Variants in PLS1 observed in about 807,000 individuals in gnomAD.
The protein encoded by PLS1 is plastin-1.
In PLS1, 32 loss-of-function variants were observed where a neutral mutation model predicts 73.7. That is an observed-to-expected ratio of 0.43 (90% CI 0.33 to 0.58). The LOEUF (loss-of-function observed/expected upper bound fraction) is 0.58. Ranked by LOEUF, PLS1 falls within the 20% of genes least tolerant of loss-of-function variation. The pLI is 0.04. For missense variants in PLS1, 633 were observed against 740.5 expected, an observed-to-expected ratio of 0.85 and a Z score of 1.68; for synonymous variants, 217 against 261.3, an observed-to-expected ratio of 0.83 and a Z score of 1.63.
chr3:142,712,069 T>C lies in PLS1; in HGVS notation c.*62T>C. On this transcript the variant is annotated 3_prime_UTR_variant, in exon 16 of 16. Transcript: ENST00000457734. ...GTATGCCTCACAGTTTACAGGATTCTGAAATGTAGTGGGTGTAAAACCAGA... is the reference window on the plus strand; with the variant it reads ...GTATGCCTCACAGTTTACAGGATTCCGAAATGTAGTGGGTGTAAAACCAGA... 7.0e-7 allele frequency: 1 copy of C among 1,423,230 alleles called. No homozygotes were observed. The highest frequency in any genetic ancestry group is 9.9e-7 in the Non-Finnish European group (1 of 1,010,994). The allele number at this position is 1,423,230 out of a possible 1,614,324, so 88.2% of individuals were successfully genotyped here. A position where few individuals can be genotyped will look rare whatever the true frequency, so the allele number is the denominator to read the frequency against.
intron 14 of PLS1, among the ~76,000 whole-genome samples, chr3:142,707,633 G>A (rs1322525805): frequency 6.6e-6 from 1 of 152,182 alleles, no homozygotes; most frequent in Non-Finnish European, 1.5e-5. Flanking sequence ...ACTTTTGGCT[G>A]AGCTACTGAT....
intron 1 of PLS1, among the ~76,000 whole-genome samples, chr3:142,650,211 CTTT>C (rs1171297517): frequency 5.6e-5 from 4 of 70,872 alleles, no homozygotes; most frequent in South Asian, 6.0e-4. Context: ...GCTTCTTCTT[CTTT>C]TTTTTTTTTT....
At chr3:142,700,549 C>G (rs1477479442) in intron 12 of PLS1, among the ~76,000 whole-genome samples, 1 of 152,130 alleles carries the variant, frequency 6.6e-6, no homozygotes, top group Non-Finnish European at 1.5e-5. Context: ...GGTCTTGTCT[C>G]CTGACCTCGT....
At chr3:142,627,639 T>C (rs2036457473) in intron 1 of PLS1, among the ~76,000 whole-genome samples, 1 of 152,132 alleles carries the variant, frequency 6.6e-6, no homozygotes, top group Non-Finnish European at 1.5e-5. Context: ...TTATTGTTTG[T>C]TTTGCTTTTG....
intron 14 of PLS1, among the ~76,000 whole-genome samples, chr3:142,707,314 A>G (rs1483960839): frequency 1.3e-5 from 2 of 151,556 alleles, no homozygotes; most frequent in East Asian, 3.9e-4. Flanking sequence ...AGGTAGCACT[A>G]TAGGAATTTC....
intron 4 of PLS1, among the ~76,000 whole-genome samples, chr3:142,671,933 C>T (rs377155384): frequency 6.6e-6 from 1 of 151,958 alleles, no homozygotes; most frequent in East Asian, 1.9e-4. Flanking sequence ...TATGTTTTTC[C>T]TAACTTTTTC....
chr3:142,685,781 T>C (rs546067774), intron 8 of PLS1, among the ~76,000 whole-genome samples: 1 of 152,346 alleles, frequency 6.6e-6, no homozygotes, highest in African/African-American at 2.4e-5. Context: ...GGACAGGAAA[T>C]AGCTTCTGCC....
Position 142,704,017 on chromosome 3 carries a change from T to C in PLS1, c.1505+16T>C, listed in dbSNP as rs375247793. The C allele has an allele frequency of 9.9e-6, 16 of 1,611,026 alleles. No homozygotes were observed. Among genetic ancestry groups the C allele is most frequent in the East Asian group, 4.5e-5 (2 of 44,830 alleles). ...TGATGAGAAGGTAAAGGCTGATATG[T>C]TGGTAGCAACACTGCCTGTTTCCTC... On this transcript the variant is annotated intron_variant, in intron 13 of 15. Transcript: ENST00000457734.
rs1002315177 is a variant in PLS1, at chr3:142,636,848, G to A, written c.-36-27354G>A. Among the ~76,000 whole-genome samples the A allele has an allele frequency of 2.6e-5, 4 of 152,128 alleles. No homozygotes were observed. The East Asian group carries it at 7.7e-4, about 29-fold the overall frequency. On this transcript the variant is annotated intron_variant, in intron 1 of 15. Coordinates refer to ENST00000457734, the MANE Select transcript of PLS1 (RefSeq NM_001145319.2). ...CATCATCATTAGTCATCAGAGAAGT[G>A]TAAATATCATACCATAGTGAGATAG...
chr3:142,636,280 T>TA (rs1270881935), intron 1 of PLS1, among the ~76,000 whole-genome samples: 1 of 152,134 alleles, frequency 6.6e-6, no homozygotes, highest in Non-Finnish European at 1.5e-5. Flanking sequence ...AGAAAGTCCA[T>TA]AAATAGGCTC....
At chr3:142,657,459 A>G (rs1205899512) in intron 1 of PLS1, among the ~76,000 whole-genome samples, 4 of 152,174 alleles carry the variant, frequency 2.6e-5, no homozygotes, top group Non-Finnish European at 5.9e-5. Flanking sequence ...CCCTCAGATA[A>G]GAAAGTGTTA....
At chr3:142,600,954 C>T (rs1325961947) in intron 1 of PLS1, among the ~76,000 whole-genome samples, 10 of 99,720 alleles carry the variant, frequency 1.0e-4, no homozygotes, top group East Asian at 6.2e-4. Flanking sequence ...GACGGAGTCT[C>T]GCTCTGTGGC....
Position 142,704,635 on chromosome 3 carries a change from ATTTTTTTTTTTTT to A in PLS1, c.1629+67_1629+79del, listed in dbSNP as rs10631186. ...TTTTTTTTTGTAGGTATAGGAAGGA[ATTTTTTTTTTTTT>A]TTTTTTTTTTTTTTTTTGGAGATGG... On this transcript the variant is annotated intron_variant, in intron 14 of 15. Transcript: ENST00000457734. 3.8e-3 allele frequency: 1,002 copies of A among 262,018 alleles called. 21 individuals are homozygous for A. In the African/African-American group the frequency reaches 0.042, roughly 11 times the overall value. 16.2% of individuals were successfully genotyped at this position (262,018 alleles called of 1,614,324 possible).
At chr3:142,688,182 A>C (rs1287932923) in intron 9 of PLS1, among the ~76,000 whole-genome samples, 1 of 152,102 alleles carries the variant, frequency 6.6e-6, no homozygotes. Flanking sequence ...TCCTGACCTC[A>C]AGTGATCCGC....
intron 1 of PLS1, among the ~76,000 whole-genome samples, chr3:142,603,305 G>C: frequency 6.6e-6 from 1 of 152,178 alleles, no homozygotes; most frequent in East Asian, 1.9e-4. Context: ...GGCACAGAAA[G>C]GGTGAGGAGT....
At chr3:142,601,668 C>T (rs984046787) in intron 1 of PLS1, among the ~76,000 whole-genome samples, 3 of 151,934 alleles carry the variant, frequency 2.0e-5, no homozygotes, top group East Asian at 1.9e-4. Flanking sequence ...TGTGGACCAA[C>T]GTGCCCGGCT....
At chr3:142,603,633 A>T (rs896236962) in intron 1 of PLS1, among the ~76,000 whole-genome samples, 1 of 152,052 alleles carries the variant, frequency 6.6e-6, no homozygotes, top group Admixed American at 6.6e-5. Context: ...TTATCTGGGC[A>T]TGGTGGCGCG....
intron 11 of PLS1, 29 bp from the exon 12 acceptor site, chr3:142,697,924 C>G: frequency 7.5e-7 from 1 of 1,327,514 alleles, no homozygotes; most frequent in Admixed American, 1.7e-5. Context: ...ATTTCCTCCT[C>G]CTTTATCTGC....
chr3:142,695,572 G>A (rs1362621287), intron 11 of PLS1, among the ~76,000 whole-genome samples: 2 of 152,076 alleles, frequency 1.3e-5, no homozygotes, highest in African/African-American at 2.4e-5. Context: ...ACTTTTTATG[G>A]ACTGATTTGA....
Sources: gnomAD v4.1 joint callset for allele counts (sites outside exome capture counted in the v4.1 genomes callset) on GRCh38, gnomAD v4.1.1 for gene constraint, MANE v1.5 for transcripts, NCBI Gene and HGNC (gene_info 2026-07-23, HGNC 2026-07-21) for gene names.